Variants in MSRA observed in about 807,000 individuals in gnomAD.
MSRA encodes mitochondrial peptide methionine sulfoxide reductase.
MSRA carries 54 observed loss-of-function variants against 31.3 expected under a neutral mutation model. That is an observed-to-expected ratio of 1.73 (90% CI 1.39 to 2.17). The LOEUF is 2.17. MSRA is among the 30% of genes most tolerant of loss of function. The probability of loss-of-function intolerance (pLI) is 0.00; values close to 1 mark genes in which losing one functional copy is unlikely to be tolerated. For missense variants in MSRA, 507 were observed against 300.9 expected, an observed-to-expected ratio of 1.69 and a Z score of -5.07; for synonymous variants, 169 against 116.5, an observed-to-expected ratio of 1.45 and a Z score of -2.90.
intron 3 of MSRA, among the ~76,000 whole-genome samples, chr8:10,273,061 G>A (rs1799130318): frequency 6.6e-6 from 1 of 152,174 alleles, no homozygotes; most frequent in Non-Finnish European, 1.5e-5. Flanking sequence ...GCAAAATAAA[G>A]TTAGTAAGAT....
intron 5 of MSRA, among the ~76,000 whole-genome samples, chr8:10,404,769 C>T (rs1807695657): frequency 6.6e-6 from 1 of 152,224 alleles, no homozygotes; most frequent in African/African-American, 2.4e-5. Context: ...AGTCGCAGGC[C>T]CATTTCCCCC....
At chr8:10,161,840 C>G (rs1022286979) in intron 1 of MSRA, among the ~76,000 whole-genome samples, 30 of 151,960 alleles carry the variant, frequency 2.0e-4, no homozygotes, top group Non-Finnish European at 3.5e-4. Context: ...CCCCTGATAA[C>G]CATGGGCCCT....
chr8:10,174,678 G>A (rs149807725), intron 1 of MSRA, among the ~76,000 whole-genome samples: 138 of 152,018 alleles, frequency 9.1e-4, no homozygotes, highest in African/African-American at 3.1e-3. Context: ...GTCCCCATCC[G>A]CCCTCTTGCT....
At chr8:10,062,945 T>G (rs1328500140) in intron 1 of MSRA, among the ~76,000 whole-genome samples, 2 of 152,118 alleles carry the variant, frequency 1.3e-5, no homozygotes, top group African/African-American at 4.8e-5. Flanking sequence ...AGGTAAGAAG[T>G]CAGAAGGGTA....
At chr8:10,188,636 G>A (rs1807254808) in intron 1 of MSRA, among the ~76,000 whole-genome samples, 1 of 152,164 alleles carries the variant, frequency 6.6e-6, no homozygotes, top group South Asian at 2.1e-4. Context: ...ATATACAGTT[G>A]TTCCAGCACC....
chr8:10,092,979 T>A (rs1457645023), intron 1 of MSRA, among the ~76,000 whole-genome samples: 2 of 152,198 alleles, frequency 1.3e-5, no homozygotes, highest in Non-Finnish European at 2.9e-5. Context: ...AAAGTCTGTT[T>A]TGCTTGTTAG....
intron 3 of MSRA, among the ~76,000 whole-genome samples, chr8:10,297,658 A>T (rs984896677): frequency 1.3e-5 from 2 of 152,214 alleles, no homozygotes; most frequent in African/African-American, 2.4e-5. Flanking sequence ...GGAGAAATAA[A>T]GTAAAGAAAC....
chr8:10,186,136 T>C (rs1378573556), intron 1 of MSRA, among the ~76,000 whole-genome samples: 1 of 152,206 alleles, frequency 6.6e-6, no homozygotes, highest in Non-Finnish European at 1.5e-5. Context: ...TCTGTGCTCC[T>C]GGCCTTTCCT....
intron 1 of MSRA, among the ~76,000 whole-genome samples, chr8:10,083,138 C>A (rs1045551735): frequency 1.3e-5 from 2 of 152,158 alleles, no homozygotes; most frequent in Non-Finnish European, 2.9e-5. Context: ...CACTCAGATA[C>A]ATTTTTTTCT....
intron 2 of MSRA, among the ~76,000 whole-genome samples, chr8:10,239,390 G>C (rs1474805813): frequency 2.0e-5 from 3 of 152,152 alleles, no homozygotes; most frequent in East Asian, 1.9e-4. Flanking sequence ...TCGATGTCTT[G>C]ACCTTGTGAT....
At chr8:10,427,862 C>A (rs191306227) in intron 5 of MSRA, among the ~76,000 whole-genome samples, 1 of 152,198 alleles carries the variant, frequency 6.6e-6, no homozygotes, top group Non-Finnish European at 1.5e-5. Flanking sequence ...AACCAGGGCC[C>A]CCAACATGCA....
intron 1 of MSRA, among the ~76,000 whole-genome samples, chr8:10,109,701 T>G (rs1800143879): frequency 6.6e-6 from 1 of 152,254 alleles, no homozygotes; most frequent in African/African-American, 2.4e-5. Flanking sequence ...TATATCACAC[T>G]GTTTTTGAAG....
At chr8:10,244,050 AAACTTCT>A (rs1797477773) in intron 2 of MSRA, among the ~76,000 whole-genome samples, 1 of 152,220 alleles carries the variant, frequency 6.6e-6, no homozygotes, top group African/African-American at 2.4e-5. Flanking sequence ...GAATTTCAGT[AAACTTCT>A]AATTTATCTT....
chr8:10,103,624 A>T (rs1799677271), intron 1 of MSRA, among the ~76,000 whole-genome samples: 2 of 152,208 alleles, frequency 1.3e-5, no homozygotes, highest in South Asian at 4.1e-4. Context: ...GTTTCTCCAG[A>T]CACATGAGGA....
intron 1 of MSRA, among the ~76,000 whole-genome samples, chr8:10,071,398 T>G (rs896240566): frequency 6.6e-6 from 1 of 152,088 alleles, no homozygotes; most frequent in Non-Finnish European, 1.5e-5. Flanking sequence ...TTACTAGTTT[T>G]CTGTTAGATA....
intron 2 of MSRA, among the ~76,000 whole-genome samples, chr8:10,242,291 A>C (rs1797372719): frequency 6.6e-6 from 1 of 152,114 alleles, no homozygotes; most frequent in Admixed American, 6.6e-5. Context: ...AAAGAACTTA[A>C]AGACGTATCA....
chr8:10,067,506 T>G (rs1049206508), intron 1 of MSRA, among the ~76,000 whole-genome samples: 1 of 152,182 alleles, frequency 6.6e-6, no homozygotes, highest in Non-Finnish European at 1.5e-5. Flanking sequence ...TTTATTCAAG[T>G]TTTTGTGTGG....
chr8:10,211,198 G>C (rs548421635), intron 2 of MSRA, among the ~76,000 whole-genome samples: 2 of 152,218 alleles, frequency 1.3e-5, no homozygotes, highest in South Asian at 4.2e-4. Context: ...ATAGAGTGTG[G>C]GATAAAGGCA....
Position 10,141,250 on chromosome 8 carries a change from G to T in MSRA, c.143-66583G>T, listed in dbSNP as rs184746038. The stretch of plus-strand genomic sequence containing the variant: ...TGGTTCTGTGTGCCTCGCCCCTCAC[G>T]CCTTATAATCCTCACATCACCGTCG... On this transcript the variant is annotated intron_variant, in intron 1 of 5. Transcript: ENST00000317173. 3.3e-5 allele frequency among the ~76,000 whole-genome samples: 5 copies of T among 152,078 alleles called. No individual in the cohort carries two copies. In the South Asian group the frequency reaches 1.0e-3, roughly 32 times the overall value.
Sources: gnomAD v4.1 joint callset for allele counts (sites outside exome capture counted in the v4.1 genomes callset) on GRCh38, gnomAD v4.1.1 for gene constraint, MANE v1.5 for transcripts, NCBI Gene and HGNC (gene_info 2026-07-23, HGNC 2026-07-21) for gene names.